Variants in PSPC1 observed in about 807,000 individuals in gnomAD.
PSPC1 encodes the protein paraspeckle component 1, also known as paraspeckle protein 1.
Under a neutral mutation model 51.6 loss-of-function variants are expected in PSPC1, and 14 were observed. The ratio of observed to expected loss-of-function variants is 0.27; its 90% CI spans 0.18 to 0.42. PSPC1 has a LOEUF of 0.42. Ranked by LOEUF, PSPC1 falls within the 10% of genes least tolerant of loss-of-function variation. PSPC1 has a pLI of 1.00. For synonymous variants in PSPC1, 193 were observed against 231.9 expected (o/e 0.83, Z 1.53); for missense variants, 406 against 701.1 (o/e 0.58, Z 4.75).
chr13:19,771,714 G>A lies in PSPC1; in HGVS notation c.674+528C>T, dbSNP rs564981931. ...CGGCTCACTGCAACCTCCGACTCCC[G>A]GAGTCAAGTGATTCTTGAGCCTCAG... On this transcript the variant is annotated intron_variant, in intron 2 of 8. Transcript: ENST00000338910. 4.6e-5 allele frequency among the ~76,000 whole-genome samples: 7 copies of A among 151,860 alleles called. No individual in the cohort carries two copies. The East Asian group carries it at 7.8e-4, about 17-fold the overall frequency.
chr13:19,733,382 T>C (rs1002872910), intron 5 of PSPC1, among the ~76,000 whole-genome samples: 1 of 152,042 alleles, frequency 6.6e-6, no homozygotes, highest in African/African-American at 2.4e-5. Context: ...AATCCCAGGA[T>C]TACTGGGATT....
intron 7 of PSPC1, among the ~76,000 whole-genome samples, chr13:19,707,645 TA>T (rs1303753720): frequency 6.6e-6 from 1 of 152,194 alleles, no homozygotes; most frequent in African/African-American, 2.4e-5. Context: ...CTCTGGTGAA[TA>T]AAATGTCACA....
downstream of PSPC1, chr13:19,673,106 T>G (rs760273921): frequency 5.3e-5 from 24 of 452,602 alleles, no homozygotes; most frequent in South Asian, 3.1e-4. Context: ...TTGTTTTTTT[T>G]TTTTGAAAAG....
At chr13:19,743,910 C>A (rs1333696115) in intron 4 of PSPC1, among the ~76,000 whole-genome samples, 1 of 151,988 alleles carries the variant, frequency 6.6e-6, no homozygotes, top group East Asian at 1.9e-4. Flanking sequence ...GAGTTGGAGG[C>A]CAGCCTGACC....
intron 4 of PSPC1, among the ~76,000 whole-genome samples, chr13:19,741,952 C>A (rs1366366102): frequency 6.6e-6 from 1 of 151,548 alleles, no homozygotes; most frequent in Non-Finnish European, 1.5e-5. Context: ...GCCAACAAGG[C>A]AAAACCCCAA....
chr13:19,773,649 G>A (rs1051186957), intron 1 of PSPC1, among the ~76,000 whole-genome samples: 1 of 150,206 alleles, frequency 6.7e-6, no homozygotes, highest in Non-Finnish European at 1.5e-5. Context: ...TAGTTCTTGG[G>A]TTTTTTTTTC....
chr13:19,781,433 G>A (rs1889958845), intron 1 of PSPC1, among the ~76,000 whole-genome samples: 1 of 152,086 alleles, frequency 6.6e-6, no homozygotes, highest in Admixed American at 6.6e-5. Flanking sequence ...ACTTTTCAAA[G>A]TTTAGATTAA....
intron 3 of PSPC1, among the ~76,000 whole-genome samples, chr13:19,756,182 G>T (rs1887049893): frequency 6.6e-6 from 1 of 152,118 alleles, no homozygotes; most frequent in Non-Finnish European, 1.5e-5. Flanking sequence ...AGGTTGCAGT[G>T]AGCTGAGACT....
chr13:19,671,298 C>G, downstream of PSPC1: 1 of 1,603,082 alleles, frequency 6.2e-7, no homozygotes, highest in South Asian at 1.1e-5. Flanking sequence ...AGGTGACAGT[C>G]CTTTCTTCAC....
chr13:19,747,127 C>A (rs569609532), intron 4 of PSPC1, among the ~76,000 whole-genome samples: 1 of 152,030 alleles, frequency 6.6e-6, no homozygotes, highest in South Asian at 2.1e-4. Context: ...AAAAAAAAAT[C>A]AACATTTACA....
chr13:19,711,920 A>C (rs1392451822), intron 6 of PSPC1, among the ~76,000 whole-genome samples: 1 of 152,114 alleles, frequency 6.6e-6, no homozygotes, highest in Non-Finnish European at 1.5e-5. Context: ...ATTTTAAAAT[A>C]AAGCTTCTGT....
At chr13:19,730,472 G>A (rs895743016) in intron 5 of PSPC1, 128 bp from the exon 6 acceptor site, 28 of 764,234 alleles carry the variant, frequency 3.7e-5, no homozygotes, top group African/African-American at 3.6e-4. Context: ...GACTGACCAC[G>A]GCATCCTAAA....
At chr13:19,722,550 T>C (rs1199957928) in intron 6 of PSPC1, among the ~76,000 whole-genome samples, 2 of 152,092 alleles carry the variant, frequency 1.3e-5, no homozygotes, top group Non-Finnish European at 2.9e-5. Context: ...TCCCAACACT[T>C]TGGGAGGCTG....
chr13:19,686,485 G>T (rs1032923859), intron 6 of PSPC1, among the ~76,000 whole-genome samples: 1 of 152,128 alleles, frequency 6.6e-6, no homozygotes, highest in African/African-American at 2.4e-5. Flanking sequence ...GATGTATTAA[G>T]AATATATACA....
At chr13:19,759,794 A>G (rs1248367181) in intron 2 of PSPC1, among the ~76,000 whole-genome samples, 1 of 151,414 alleles carries the variant, frequency 6.6e-6, no homozygotes, top group Admixed American at 6.6e-5. Flanking sequence ...CCCCAGAGGC[A>G]GAGGTTGAAG....
rs141135837 is a variant in PSPC1, at chr13:19,722,579, A to G, written c.1158+7660T>C. The stretch of plus-strand genomic sequence containing the variant: ...GAGGCTGAGGTAGGTGGATCACCTG[A>G]GGACAGGGGTTCGAGACCAGCCTGG... On this transcript the variant is annotated intron_variant, in intron 6 of 8. Transcript: ENST00000338910. 4.2e-3 allele frequency among the ~76,000 whole-genome samples: 633 copies of G among 152,290 alleles called. 2 individuals carry two copies. The highest frequency in any genetic ancestry group is 0.015 in the African/African-American group (613 of 41,562).
At chr13:19,725,896 G>A (rs1353314779) in intron 6 of PSPC1, among the ~76,000 whole-genome samples, 1 of 152,136 alleles carries the variant, frequency 6.6e-6, no homozygotes, top group Admixed American at 6.6e-5. Context: ...TGCAGTGGTA[G>A]GCAACTGTAG....
intron 5 of PSPC1, among the ~76,000 whole-genome samples, chr13:19,734,685 C>T (rs1405376029): frequency 6.6e-6 from 1 of 152,036 alleles, no homozygotes; most frequent in Admixed American, 6.6e-5. Flanking sequence ...GCCTGTAATC[C>T]CAGTTACTTG....
rs771796311 is a variant in PSPC1, at chr13:19,759,385, C to A, written c.708G>T (p.Glu236Asp). ...TPRPVIVEPM[E>D]QFDDEDGLPE... is the part of the protein sequence containing the mutation. ...GCAAGCCATCTTCATCATCAAACTG[C>A]TCCATGGGTTCCACAATGACTGGAC... is the stretch of plus-strand genomic sequence containing the variant. Residue 236 changes from glutamate to aspartate, a missense_variant, in exon 3 of 9, where the codon GAG (glutamate) becomes GAT (aspartate). This residue lies in a region of PSPC1 where 180 missense variants were observed against 337.9 expected (regional missense o/e 0.53). Transcript: ENST00000338910. 6.2e-7 allele frequency: 1 copy of A among 1,614,118 alleles called. No individual in the cohort carries two copies. Among genetic ancestry groups the A allele is most frequent in the Non-Finnish European group, 8.5e-7 (1 of 1,180,016 alleles).
Sources: gnomAD v4.1 joint callset for allele counts (sites outside exome capture counted in the v4.1 genomes callset) on GRCh38, gnomAD v4.1.1 for gene constraint, gnomAD v4.1.1 regional missense constraint, MANE v1.5 for transcripts, NCBI Gene and HGNC (gene_info 2026-07-23, HGNC 2026-07-21) for gene names.